The following NVL variants were observed in gnomAD, a reference collection of about 807,000 sequenced individuals.
The protein encoded by NVL is nuclear valosin-containing protein-like.
A neutral mutation model predicts 110.2 loss-of-function variants in NVL; 84 were observed. That is an observed-to-expected ratio of 0.76 (90% CI 0.64 to 0.91). The LOEUF is 0.91. Among genes scored for constraint, NVL ranks in the 40% least tolerant of loss-of-function variants. The pLI is 0.00. For missense variants in NVL, 882 were observed against 1,035.9 expected (o/e 0.85, Z 2.04); for synonymous variants, 354 against 361.1 (o/e 0.98, Z 0.22).
chr1:224,291,601 T>C (rs1358475718), intron 12 of NVL, among the ~76,000 whole-genome samples: 1 of 152,170 alleles, frequency 6.6e-6, no homozygotes, highest in African/African-American at 2.4e-5. Context: ...TCAAGAAAAC[T>C]TTCCACTAAA....
chr1:224,305,155 A>G lies in NVL; in HGVS notation c.627T>C (p.Asp209=), dbSNP rs1001750901. The G allele has an allele frequency of 1.2e-6, 2 of 1,604,920 alleles. No homozygotes were observed. The highest frequency in any genetic ancestry group is 1.7e-6 in the Non-Finnish European group (2 of 1,177,902). ...TCATATCACTCTCCAAAAGAGAAGA[A>G]TCTTTTGAATCCTGGAAAGAAAATA... ...KPITEIQDSK[D]SSLLESDMKR... The change falls in exon 7 of 23, where the codon GAT becomes GAC. Residue 209 remains aspartate (D), a synonymous_variant. Coordinates refer to ENST00000281701, the MANE Select transcript of NVL (RefSeq NM_002533.4).
rs1667652641 is a variant in NVL at position 224,294,249 on chromosome 1, C to T, written c.1325+18G>A. ...AGATGACTTAGTGGCATACAAACTTCATTCTATAAGAATATACCTTTCCCT... is the reference window on the plus strand; with the variant it reads ...AGATGACTTAGTGGCATACAAACTTTATTCTATAAGAATATACCTTTCCCT... On this transcript the variant is annotated intron_variant, in intron 12 of 22. Coordinates refer to ENST00000281701, the MANE Select transcript of NVL (RefSeq NM_002533.4). 6.2e-7 allele frequency: 1 copy of T among 1,613,674 alleles called. No individual in the cohort carries two copies. Among genetic ancestry groups the T allele is most frequent in the Admixed American group, 1.7e-5 (1 of 60,000 alleles).
chr1:224,245,407 T>G (rs1661692185), intron 19 of NVL, among the ~76,000 whole-genome samples: 1 of 152,178 alleles, frequency 6.6e-6, no homozygotes, highest in South Asian at 2.1e-4. Context: ...GATGTGAAAT[T>G]GCACTGCTAA....
chr1:224,307,698 C>CAAAAAAAAAAAAA (rs11366790), intron 6 of NVL, among the ~76,000 whole-genome samples: 2 of 67,492 alleles, frequency 3.0e-5, no homozygotes, highest in African/African-American at 5.1e-5. Context: ...GACCCAGTCT[C>CAAAAAAAAAAAAA]AAAAAAAAAA....
intron 16 of NVL, among the ~76,000 whole-genome samples, chr1:224,279,943 C>T (rs1240157533): frequency 1.3e-5 from 2 of 152,048 alleles, no homozygotes; most frequent in Non-Finnish European, 2.9e-5. Flanking sequence ...CTCAGCCTCC[C>T]AAAGTGCTGG....
chr1:224,272,666 G>A (rs549772659), intron 17 of NVL, among the ~76,000 whole-genome samples: 2 of 152,106 alleles, frequency 1.3e-5, no homozygotes, highest in African/African-American at 4.8e-5. Context: ...GCAGTGAGCT[G>A]AGATTACACC....
chr1:224,311,835 C>G lies in NVL; in HGVS notation c.307G>C (p.Asp103His), dbSNP rs1159431356. 6.2e-7 allele frequency: 1 copy of G among 1,613,356 alleles called. No homozygotes were observed. Among genetic ancestry groups the G allele is most frequent in the African/African-American group, 1.3e-5 (1 of 74,906 alleles). Residue 103 changes from aspartate to histidine, a missense_variant, in exon 5 of 23, where the codon GAT becomes CAT. By Grantham distance (81) the Asp-to-His change is moderately conservative (BLOSUM62 -1). Transcript: ENST00000281701. ...GGGTAGTCTTCCATACTTGAATCATCATCAGAATAGCTTTCAGTATACCTC... is the reference window on the plus strand; with the variant it reads ...GGGTAGTCTTCCATACTTGAATCATGATCAGAATAGCTTTCAGTATACCTC... ...DNEYTESYSD[D>H]DSSMEDYPDP...
intron 12 of NVL, among the ~76,000 whole-genome samples, chr1:224,293,366 G>A (rs1296404497): frequency 2.0e-5 from 3 of 152,190 alleles, no homozygotes; most frequent in Non-Finnish European, 4.4e-5. Flanking sequence ...ACCGTGCCTG[G>A]CCCAGAACAT....
intron 18 of NVL, among the ~76,000 whole-genome samples, chr1:224,255,182 G>GTTTTTTT (rs34120278): frequency 1.4e-4 from 14 of 96,710 alleles, no homozygotes; most frequent in East Asian, 6.6e-4. Context: ...AATGGTGTAG[G>GTTTTTTT]TTTTTTTTTT....
At chr1:224,287,677 G>A (rs1266959192) in intron 14 of NVL, 98 bp downstream of exon 14, 1 of 913,722 alleles carries the variant, frequency 1.1e-6, no homozygotes, top group Non-Finnish European at 1.7e-6. Flanking sequence ...TTATAGTCAA[G>A]TCAGTTTAGC....
Position 224,232,339 on chromosome 1 carries a change from A to C in NVL, c.2455+862T>G, listed in dbSNP as rs573670613. Among the ~76,000 whole-genome samples the C allele has an allele frequency of 2.4e-3, 366 of 152,006 alleles. 1 individual carries two copies. Among genetic ancestry groups the C allele is most frequent in the Non-Finnish European group, 3.3e-3 (221 of 67,978 alleles). Reference sequence around the variant, plus strand: ...CTGCACTCCAGCCTGAGTGAGAGCGAGACTCTGTCTCAAAAAAAATAAATA... The same window carrying C: ...CTGCACTCCAGCCTGAGTGAGAGCGCGACTCTGTCTCAAAAAAAATAAATA... On this transcript the variant is annotated intron_variant, in intron 21 of 22. Transcript: ENST00000281701.
At position 224,227,591 on chromosome 1, in the gene NVL, ATGGGCTAGCTCCTCTAAGCCGGCTGC is replaced by A. The variant is rs774991727; in HGVS notation, c.*9_*34del. ...GTGTGGGGGATTCTCTGCCGGCTTG[ATGGGCTAGCTCCTCTAAGCCGGCTGC>A]TGGAGACATCACCGGCTGAGGGACT... On this transcript the variant is annotated 3_prime_UTR_variant, in exon 23 of 23. Transcript: ENST00000281701. 3 of 1,594,178 alleles carry A rather than the reference ATGGGCTAGCTCCTCTAAGCCGGCTGC, an allele frequency of 1.9e-6. No individual in the cohort carries two copies. In the South Asian group the frequency reaches 3.3e-5, roughly 18 times the overall value.
At chr1:224,304,878 T>C in intron 7 of NVL, 66 bp from the exon 8 acceptor site, 1 of 1,501,454 alleles carries the variant, frequency 6.7e-7, no homozygotes, top group South Asian at 1.1e-5. Flanking sequence ...TTATAATGAA[T>C]AGTCTTTAAG....
At chr1:224,241,856 C>A (rs1270691622) in intron 19 of NVL, among the ~76,000 whole-genome samples, 247 of 132,654 alleles carry the variant, frequency 1.9e-3, no homozygotes, top group Non-Finnish European at 2.2e-3. Context: ...GACCTCGTCT[C>A]AAAAAAAAAA....
chr1:224,250,854 GC>G (rs1662393938), intron 18 of NVL, among the ~76,000 whole-genome samples: 1 of 152,110 alleles, frequency 6.6e-6, no homozygotes, highest in Non-Finnish European at 1.5e-5. Context: ...ACAGGATTTC[GC>G]TATGTTGCCC....
chr1:224,318,668 C>A (rs1044635379), intron 2 of NVL, among the ~76,000 whole-genome samples: 1 of 151,460 alleles, frequency 6.6e-6, no homozygotes, highest in African/African-American at 2.4e-5. Context: ...CTCAAAAATT[C>A]TCAGCATGTA....
Position 224,267,751 on chromosome 1 carries a change from C to T in NVL, c.2182+283G>A, listed in dbSNP as rs1484627703. Reference sequence around the variant, plus strand: ...TCAGCCAAAAAGAGCTTTCTAAGCACCGACACAGAAAAGCAATCTCATGGG... The same window carrying T: ...TCAGCCAAAAAGAGCTTTCTAAGCATCGACACAGAAAAGCAATCTCATGGG... On this transcript the variant is annotated intron_variant, in intron 18 of 22. Transcript: ENST00000281701. Among the ~76,000 whole-genome samples, 5 of 151,388 alleles carry T rather than the reference C, an allele frequency of 3.3e-5. No homozygotes were observed. In the South Asian group the frequency reaches 8.3e-4, roughly 25 times the overall value.
At chr1:224,258,563 T>A (rs923384715) in intron 18 of NVL, among the ~76,000 whole-genome samples, 2 of 152,022 alleles carry the variant, frequency 1.3e-5, no homozygotes, top group Admixed American at 6.6e-5. Context: ...CCAGGAGAAA[T>A]TAAAACATAT....
chr1:224,305,104 T>C lies in NVL; in HGVS notation c.678A>G (p.Lys226=), dbSNP rs376072933. The C allele has an allele frequency of 2.2e-5, 35 of 1,613,860 alleles. No individual in the cohort carries two copies. Among genetic ancestry groups the C allele is most frequent in the South Asian group, 3.3e-5 (3 of 91,078 alleles). Reference sequence around the variant, plus strand: ...GATCTTCTTTCTTCCTTTTGCTTCCTTTATTCTTTAGCTTGCCTTTCCGTT... The same window carrying C: ...GATCTTCTTTCTTCCTTTTGCTTCCCTTATTCTTTAGCTTGCCTTTCCGTT... ...DMKRKGKLKN[K]GSKRKKEDLQ... is the part of the protein sequence containing the mutation. The change falls in exon 7 of 23, where the codon AAA becomes AAG. Residue 226 remains lysine, a synonymous_variant. Transcript: ENST00000281701.
Sources: gnomAD v4.1 joint callset for allele counts (sites outside exome capture counted in the v4.1 genomes callset) on GRCh38, gnomAD v4.1.1 for gene constraint, MANE v1.5 for transcripts, NCBI Gene and HGNC (gene_info 2026-07-23, HGNC 2026-07-21) for gene names.